Variants in COL19A1 observed in about 807,000 individuals in gnomAD.
COL19A1 encodes the protein collagen alpha-1(XIX) chain.
A neutral mutation model predicts 190.2 loss-of-function variants in COL19A1; 159 were observed. The ratio of observed to expected loss-of-function variants is 0.84; its 90% CI spans 0.73 to 0.95. The LOEUF is 0.95. Among genes scored for constraint, COL19A1 ranks in the 40% least tolerant of loss-of-function variants. The pLI, the probability that COL19A1 is intolerant of heterozygous loss-of-function variation, is 0.00. For synonymous variants in COL19A1, 509 were observed against 458.9 expected (o/e 1.11, Z -1.39); for missense variants, 1,418 against 1,431.9 (o/e 0.99, Z 0.16).
chr6:70,149,588 G>A (rs1046779393), intron 27 of COL19A1, 116 bp from the exon 28 acceptor site: 1 of 1,324,922 alleles, frequency 7.5e-7, no homozygotes, highest in African/African-American at 1.5e-5. Context: ...CGTGTGTACG[G>A]TGGCAAACCC....
intron 4 of COL19A1, among the ~76,000 whole-genome samples, chr6:69,912,532 A>G (rs113857810): frequency 6.6e-6 from 1 of 152,190 alleles, no homozygotes; most frequent in East Asian, 1.9e-4. Context: ...AGCTCTCTCC[A>G]TGCAAATGCT....
At chr6:69,944,141 A>G (rs757685949) in intron 9 of COL19A1, among the ~76,000 whole-genome samples, 5 of 152,224 alleles carry the variant, frequency 3.3e-5, no homozygotes, top group Middle Eastern at 3.4e-3. Context: ...TCTTCTTCAC[A>G]TCATTTAGGC....
At chr6:70,024,395 A>T (rs1266366740) in intron 12 of COL19A1, among the ~76,000 whole-genome samples, 1 of 152,080 alleles carries the variant, frequency 6.6e-6, no homozygotes, top group African/African-American at 2.4e-5. Flanking sequence ...TCCTTTTCTC[A>T]CTTACATAAA....
At chr6:70,159,624 C>T (rs562501948) in intron 34 of COL19A1, among the ~76,000 whole-genome samples, 7 of 152,250 alleles carry the variant, frequency 4.6e-5, no homozygotes, top group African/African-American at 1.4e-4. Context: ...TGCCATTTGG[C>T]ATTGAATGGA....
chr6:70,081,957 C>T (rs541356140), intron 15 of COL19A1, among the ~76,000 whole-genome samples: 1 of 152,100 alleles, frequency 6.6e-6, no homozygotes, highest in Admixed American at 6.5e-5. Flanking sequence ...AAAGAGTGAA[C>T]ACTGAAGTTT....
rs1385838325 is a variant in COL19A1, at chr6:70,209,824, CAT to C, written c.*2551_*2552del. 1 of 152,194 alleles carries C rather than the reference CAT, an allele frequency of 6.6e-6. No individual in the cohort carries two copies. Among genetic ancestry groups the C allele is most frequent in the African/African-American group, 2.4e-5 (1 of 41,454 alleles). The allele number at this position is 152,194 out of a possible 1,614,324, so 9.4% of individuals were successfully genotyped here. ...CTTTTTCCTGCCTCAGCTCTGTACA[CAT>C]GATATGCAACAAAGGGCAGCAAGAA... On this transcript the variant is annotated 3_prime_UTR_variant, in exon 51 of 51. Coordinates refer to ENST00000620364, the MANE Select transcript of COL19A1 (RefSeq NM_001858.6).
chr6:69,921,416 A>ATATTCATATATTCATAT (rs1390512918), intron 4 of COL19A1, among the ~76,000 whole-genome samples: 3 of 77,460 alleles, frequency 3.9e-5, no homozygotes, highest in African/African-American at 2.0e-4. Flanking sequence ...TATATCATAT[A>ATATTCATATATTCATAT]TCATATATAT....
intron 11 of COL19A1, among the ~76,000 whole-genome samples, chr6:69,967,152 ATACCT>A (rs1775161986): frequency 6.6e-6 from 1 of 152,234 alleles, no homozygotes; most frequent in Non-Finnish European, 1.5e-5. Flanking sequence ...ACTGCTACTT[ATACCT>A]TACTTTTCTT....
intron 35 of COL19A1, 55 bp from the exon 36 acceptor site, chr6:70,163,288 C>G: frequency 6.6e-7 from 1 of 1,520,996 alleles, no homozygotes; most frequent in Admixed American, 1.7e-5. Flanking sequence ...ACTTCCAATA[C>G]CCTTTGGCCA....
intron 17 of COL19A1, among the ~76,000 whole-genome samples, chr6:70,122,476 G>A (rs1302451181): frequency 1.3e-5 from 2 of 152,128 alleles, no homozygotes; most frequent in African/African-American, 2.4e-5. Flanking sequence ...AATGGCAAAA[G>A]CAAGGGAGTT....
At chr6:69,952,613 T>G (rs905370090) in intron 9 of COL19A1, among the ~76,000 whole-genome samples, 37 of 151,944 alleles carry the variant, frequency 2.4e-4, no homozygotes, top group African/African-American at 8.5e-4. Context: ...GGACTAACTA[T>G]CATCATTATA....
intron 16 of COL19A1, among the ~76,000 whole-genome samples, chr6:70,121,069 TC>T (rs1486914391): frequency 6.6e-6 from 1 of 152,210 alleles, no homozygotes; most frequent in East Asian, 1.9e-4. Context: ...TTTTCTCTCC[TC>T]CTAGCTTTTG....
At chr6:69,921,291 C>T (rs560662685) in intron 4 of COL19A1, among the ~76,000 whole-genome samples, 1 of 125,758 alleles carries the variant, frequency 8.0e-6, no homozygotes, top group African/African-American at 3.1e-5. Context: ...TATCATATAT[C>T]ATATATATCA....
intron 10 of COL19A1, among the ~76,000 whole-genome samples, chr6:69,961,100 A>T (rs1186183435): frequency 6.6e-6 from 1 of 152,160 alleles, no homozygotes. Flanking sequence ...AGCATTATTG[A>T]TGTAATATTA....
intron 9 of COL19A1, among the ~76,000 whole-genome samples, chr6:69,939,731 A>G (rs1027027890): frequency 5.9e-5 from 9 of 152,150 alleles, no homozygotes; most frequent in Non-Finnish European, 2.9e-5. Flanking sequence ...AACACAATTA[A>G]GAGGACTCAG....
At chr6:70,159,822 G>T (rs748821569) in intron 34 of COL19A1, among the ~76,000 whole-genome samples, 6 of 152,106 alleles carry the variant, frequency 3.9e-5, no homozygotes, top group Admixed American at 1.3e-4. Flanking sequence ...TGATGACAAA[G>T]AATGGTATGG....
rs545060097 is a variant in COL19A1 at position 70,030,140 on chromosome 6, C to T, written c.1081-4105C>T. Among the ~76,000 whole-genome samples, 76 of 152,226 alleles carry T rather than the reference C, an allele frequency of 5.0e-4. No homozygotes were observed. In the Middle Eastern group the frequency reaches 0.017, roughly 34 times the overall value. On this transcript the variant is annotated intron_variant, in intron 12 of 50. Coordinates refer to ENST00000620364, the MANE Select transcript of COL19A1 (RefSeq NM_001858.6). ...CCTGCTATATACTTCAATGATAATA[C>T]TCAATATTCACATCAGCTTGTAATT...
chr6:70,130,387 G>A (rs543647682), intron 18 of COL19A1, among the ~76,000 whole-genome samples, 164 bp downstream of exon 18: 43 of 152,208 alleles, frequency 2.8e-4, no homozygotes, highest in African/African-American at 9.6e-4. Context: ...CACCTCTCCC[G>A]GCTAATTATT....
chr6:69,907,134 G>A (rs1231192401), intron 4 of COL19A1, among the ~76,000 whole-genome samples: 3 of 135,076 alleles, frequency 2.2e-5, no homozygotes, highest in Non-Finnish European at 3.1e-5. Context: ...TTTTTGAGAC[G>A]GAGTCTCCAA....
Sources: gnomAD v4.1 joint callset for allele counts (sites outside exome capture counted in the v4.1 genomes callset) on GRCh38, gnomAD v4.1.1 for gene constraint, MANE v1.5 for transcripts, NCBI Gene and HGNC (gene_info 2026-07-23, HGNC 2026-07-21) for gene names.